The following LONRF2 variants were observed in gnomAD, a reference collection of about 807,000 sequenced individuals.
LONRF2 encodes LON peptidase N-terminal domain and RING finger protein 2.
A neutral mutation model predicts 66.6 loss-of-function variants in LONRF2; 35 were observed. The observed-to-expected ratio is 0.53, with a 90% CI of 0.40 to 0.70. The LOEUF is 0.70. LONRF2 is among the 30% of genes least tolerant of loss of function. The pLI is 0.00. For synonymous variants in LONRF2, 417 were observed against 418.1 expected (o/e 1.00, Z 0.03); for missense variants, 902 against 1,002.1 (o/e 0.90, Z 1.35).
intron 2 of LONRF2, 130 bp downstream of exon 2, chr2:100,308,977 G>A (rs11693424): frequency 0.49 from 275,334 of 563,978 alleles, 69,564 homozygotes; most frequent in East Asian, 0.73. Context: ...ATTGCTAAAC[G>A]TAGGCTACAG....
At chr2:100,307,567 G>A (rs11123824) in intron 2 of LONRF2, among the ~76,000 whole-genome samples, 77,294 of 151,992 alleles carry the variant, frequency 0.51, 20,017 homozygotes, top group East Asian at 0.76. Flanking sequence ...ATAGAAATTA[G>A]CTCAGAAGAA....
In LONRF2 at chr2:100,284,511, G is replaced by A. The variant is rs1220435363; in HGVS notation, c.2071-19C>T. The A allele has an allele frequency of 9.8e-6, 15 of 1,526,636 alleles. No individual in the cohort carries two copies. Among genetic ancestry groups the A allele is most frequent in the South Asian group, 1.3e-5 (1 of 78,324 alleles). The allele number at this position is 1,526,636 out of a possible 1,614,324, so 94.6% of individuals were successfully genotyped here. A position where few individuals can be genotyped will look rare whatever the true frequency, so the allele number is the denominator to read the frequency against. ...GATTACTCTGCAAAAGAGATGAGGG[G>A]AAAGCAAGGTTAACACTGGAAATGC... On this transcript the variant is annotated intron_variant, in intron 11 of 11. Transcript: ENST00000393437.
Position 100,321,671 on chromosome 2 carries a change from G to T in LONRF2, c.423C>A (p.Leu141=). The change falls in exon 1 of 12, where the codon CTC becomes CTA. Residue 141 remains leucine (L), a synonymous_variant. Transcript: ENST00000393437. ...GCAGCCGCCGGCAGCGCGGGCAGCC[G>T]AGCAGGTCGCGGGGCGCGCGGGGCT... ...APEPRAPRDL[L]GCPRCRRLLH... 7.5e-7 allele frequency: 1 copy of T among 1,335,896 alleles called. No homozygotes were observed. The highest frequency in any genetic ancestry group is 9.6e-7 in the Non-Finnish European group (1 of 1,045,424). 82.8% of individuals were successfully genotyped at this position (1,335,896 alleles called of 1,614,324 possible).
chr2:100,318,831 CAA>C (rs370896189), intron 1 of LONRF2, among the ~76,000 whole-genome samples: 5 of 125,514 alleles, frequency 4.0e-5, no homozygotes. Flanking sequence ...GACCTTGTCT[CAA>C]AAAAAAAAAA....
chr2:100,299,068 C>T (rs1159343107), intron 6 of LONRF2, 118 bp from the exon 7 acceptor site: 1 of 892,216 alleles, frequency 1.1e-6, no homozygotes, highest in Non-Finnish European at 1.8e-6. Flanking sequence ...CACTTGCATG[C>T]ACTTTCATTT....
chr2:100,301,172 T>C (rs949940718), intron 3 of LONRF2, among the ~76,000 whole-genome samples: 2 of 152,204 alleles, frequency 1.3e-5, no homozygotes, highest in African/African-American at 2.4e-5. Context: ...GAGGTCACTA[T>C]ACAGAACTGC....
Position 100,275,193 on chromosome 2 carries a change from T to A in LONRF2, c.*9105A>T, listed in dbSNP as rs1217136203. On this transcript the variant is annotated 3_prime_UTR_variant, in exon 12 of 12. Coordinates refer to ENST00000393437, the MANE Select transcript of LONRF2 (RefSeq NM_198461.4). ...TAGGGTGATGTCAATCGCAGTCCCC[T>A]ACACAGGACCTTCTGGGTATAATTG... 5 of 152,270 alleles carry A rather than the reference T, an allele frequency of 3.3e-5. No individual in the cohort carries two copies. The highest frequency in any genetic ancestry group is 4.4e-5 in the Non-Finnish European group (3 of 68,074). 9.4% of individuals were successfully genotyped at this position (152,270 alleles called of 1,614,324 possible).
intron 9 of LONRF2, among the ~76,000 whole-genome samples, chr2:100,293,416 C>T (rs1200080599): frequency 6.6e-6 from 1 of 152,158 alleles, no homozygotes; most frequent in Non-Finnish European, 1.5e-5. Context: ...CTATATTTGC[C>T]AGGCTCCTTT....
chr2:100,307,413 C>CT (rs1675320663), intron 2 of LONRF2, among the ~76,000 whole-genome samples: 1 of 152,166 alleles, frequency 6.6e-6, no homozygotes, highest in Admixed American at 6.5e-5. Flanking sequence ...GAAATTAAGT[C>CT]TATCTTTTGT....
intron 1 of LONRF2, among the ~76,000 whole-genome samples, chr2:100,311,244 G>A (rs999380583): frequency 1.3e-4 from 20 of 151,960 alleles, no homozygotes; most frequent in African/African-American, 4.8e-4. Context: ...AATGCATTTT[G>A]AAATATACAA....
intron 2 of LONRF2, 43 bp from the exon 3 acceptor site, chr2:100,303,086 A>G (rs1290140871): frequency 1.3e-6 from 2 of 1,526,520 alleles, no homozygotes; most frequent in African/African-American, 1.4e-5. Context: ...AAAACCCAGC[A>G]TGATTATATA....
intron 2 of LONRF2, among the ~76,000 whole-genome samples, chr2:100,307,643 G>A (rs1675324852): frequency 6.6e-6 from 1 of 152,130 alleles, no homozygotes; most frequent in South Asian, 2.1e-4. Context: ...CTGAACAGGA[G>A]AAATAAGTTC....
chr2:100,315,610 T>C (rs1191297717), intron 1 of LONRF2, among the ~76,000 whole-genome samples: 2 of 150,350 alleles, frequency 1.3e-5, no homozygotes, highest in African/African-American at 4.9e-5. Flanking sequence ...TCCTGAGAGA[T>C]GCATCATATC....
rs763917753 is a variant in LONRF2 at position 100,290,285 on chromosome 2, C to T, written c.1893G>A (p.Ala631=). The change falls in exon 10 of 12, where the codon GCG becomes GCA. Residue 631 remains alanine, a synonymous_variant. Coordinates refer to ENST00000393437, the MANE Select transcript of LONRF2 (RefSeq NM_198461.4). ...SHRHRDGYNT[A]DIEYLEDEKV... is the part of the protein sequence containing the mutation. Reference sequence around the variant, plus strand: ...TTTCATCTTCAAGATATTCAATGTCCGCTGTGTTATAGCCATCTCTGTGGC... The same window carrying T: ...TTTCATCTTCAAGATATTCAATGTCTGCTGTGTTATAGCCATCTCTGTGGC... The T allele has an allele frequency of 1.1e-5, 17 of 1,613,584 alleles. No individual in the cohort carries two copies. Among genetic ancestry groups the T allele is most frequent in the East Asian group, 4.5e-5 (2 of 44,870 alleles).
At position 100,297,096 on chromosome 2, in the gene LONRF2, T is replaced by C. The variant is rs59494003; in HGVS notation, c.1477-1543A>G. ...CTGGAAATACAGGGAAAACAGGTCA[T>C]AGGAAGTCTCAGTACTTAAGCAGCT... On this transcript the variant is annotated intron_variant, in intron 7 of 11. Coordinates refer to ENST00000393437, the MANE Select transcript of LONRF2 (RefSeq NM_198461.4). Among the ~76,000 whole-genome samples, 284 of 152,056 alleles carry C rather than the reference T, an allele frequency of 1.9e-3. 9 individuals carry two copies. In the East Asian group the frequency reaches 0.047, roughly 25 times the overall value.
At chr2:100,290,055 C>T (rs1194478258) in intron 10 of LONRF2, among the ~76,000 whole-genome samples, 1 of 152,020 alleles carries the variant, frequency 6.6e-6, no homozygotes, top group Non-Finnish European at 1.5e-5. Context: ...TGCAGTGGGC[C>T]AAGATCATGC....
chr2:100,281,852 C>T lies in LONRF2; in HGVS notation c.*2446G>A, dbSNP rs1674743562. 2 of 151,784 alleles carry T rather than the reference C, an allele frequency of 1.3e-5. No individual in the cohort carries two copies. The highest frequency in any genetic ancestry group is 3.9e-4 in the East Asian group (2 of 5,162). The allele number at this position is 151,784 out of a possible 1,614,324, so 9.4% of individuals were successfully genotyped here. On this transcript the variant is annotated 3_prime_UTR_variant, in exon 12 of 12. Coordinates refer to ENST00000393437, the MANE Select transcript of LONRF2 (RefSeq NM_198461.4). Reference sequence around the variant, plus strand: ...GCGGAGGAGGAAGCAGACCGTTCTGCTTTAGCTTAATTGGTAGCAAACTGA... The same window carrying T: ...GCGGAGGAGGAAGCAGACCGTTCTGTTTTAGCTTAATTGGTAGCAAACTGA...
chr2:100,284,406 C>G lies in LONRF2; in HGVS notation c.2157G>C (p.Met719Ile). 1 of 1,605,214 alleles carries G rather than the reference C, an allele frequency of 6.2e-7. No homozygotes were observed. Among genetic ancestry groups the G allele is most frequent in the Non-Finnish European group, 8.5e-7 (1 of 1,176,122 alleles). Residue 719 changes from methionine (M) to isoleucine (I), a missense_variant, in exon 12 of 12, where the codon ATG becomes ATC. Transcript: ENST00000393437. ...ERKAQLAILG[M>I]TSLKERLLAI... ...CAAGGAGCCGCTCTTTGAGCGAGGT[C>G]ATGCCGAGGATGGCCAGCTGAGCCT...
At chr2:100,313,333 A>G (rs1675445086) in intron 1 of LONRF2, among the ~76,000 whole-genome samples, 1 of 152,158 alleles carries the variant, frequency 6.6e-6, no homozygotes, top group Admixed American at 6.5e-5. Context: ...CATCTCTACT[A>G]AAAGTAAAAA....
Sources: gnomAD v4.1 joint callset for allele counts (sites outside exome capture counted in the v4.1 genomes callset) on GRCh38, gnomAD v4.1.1 for gene constraint, MANE v1.5 for transcripts, NCBI Gene and HGNC (gene_info 2026-07-23, HGNC 2026-07-21) for gene names.